ARFGEF3: variants seen among roughly 807,000 people sequenced by gnomAD.
The protein encoded by ARFGEF3 is ARFGEF family member 3.
A neutral mutation model predicts 221.7 loss-of-function variants in ARFGEF3; 96 were observed. The observed-to-expected ratio is 0.43, with a 90% confidence interval of 0.37 to 0.51. The LOEUF (loss-of-function observed/expected upper bound fraction) is 0.51, where lower values mean the gene tolerates loss of function less well. Ranked by LOEUF, ARFGEF3 falls within the 20% of genes least tolerant of loss-of-function variation. ARFGEF3 has a pLI of 0.00. For synonymous variants in ARFGEF3, 1,145 were observed against 1,126.8 expected (o/e 1.02, Z -0.32); for missense variants, 2,410 against 2,789.9 (o/e 0.86, Z 3.07).
intron 14 of ARFGEF3, among the ~76,000 whole-genome samples, chr6:138,281,436 A>G (rs1172195365): frequency 1.3e-5 from 2 of 152,210 alleles, no homozygotes; most frequent in Non-Finnish European, 2.9e-5. Context: ...TGAGTATAGT[A>G]GCCAACAGTT....
rs774890913 is a variant in ARFGEF3, at chr6:138,324,115, C to T, written c.4962C>T (p.Ala1654=). 17 of 1,613,670 alleles carry T rather than the reference C, an allele frequency of 1.1e-5. No homozygotes were observed. In the Admixed American group the frequency reaches 1.7e-4, roughly 16 times the overall value. ...CGGCCCCGTCCTCCTCCCCAAGTGC[C>T]GAGGCCGAGTACTGGCGCATCCGAG... is the stretch of plus-strand genomic sequence containing the variant. The part of the protein sequence containing the change: ...RVAAPSSSPS[A]EAEYWRIRAM... The change falls in exon 31 of 34, where the codon GCC becomes GCT. Residue 1654 remains alanine (A), a synonymous_variant. Coordinates refer to ENST00000251691, the MANE Select transcript of ARFGEF3 (RefSeq NM_020340.5).
At chr6:138,168,189 C>A (rs531447755) in intron 1 of ARFGEF3, among the ~76,000 whole-genome samples, 6 of 152,104 alleles carry the variant, frequency 3.9e-5, no homozygotes, top group Admixed American at 1.3e-4. Flanking sequence ...AGATGACAGC[C>A]AGTAATCAAG....
chr6:138,277,327 C>A (rs1458056643), intron 12 of ARFGEF3, among the ~76,000 whole-genome samples: 1 of 152,116 alleles, frequency 6.6e-6, no homozygotes, highest in African/African-American at 2.4e-5. Context: ...CTGAGTAATA[C>A]CCATTTTATA....
intron 4 of ARFGEF3, among the ~76,000 whole-genome samples, chr6:138,225,237 C>T (rs1301904074): frequency 6.6e-6 from 1 of 152,224 alleles, no homozygotes; most frequent in Non-Finnish European, 1.5e-5. Flanking sequence ...CCTGACCAGC[C>T]CTAATATGTG....
Position 138,334,109 on chromosome 6 carries a change from C to A in ARFGEF3, c.5263C>A (p.Leu1755Met). ...EKTIQVPEAK[L>M]AGFLRYISMQ... ...GACGATACAAGTGCCAGAAGCCAAG[C>A]TGGCTGGCTTCCTCAGATACATCTC... The change falls in exon 33 of 34, where the codon CTG becomes ATG. Residue 1755 changes from leucine to methionine, a missense_variant. By Grantham distance (15) the Leu-to-Met change is conservative. Transcript: ENST00000251691. The surrounding 1 kb of genome is among the most constrained non-coding windows in gnomAD (Gnocchi z 5.1). 6.2e-7 allele frequency: 1 copy of A among 1,613,992 alleles called. No homozygotes were observed. The highest frequency in any genetic ancestry group is 8.5e-7 in the Non-Finnish European group (1 of 1,179,896).
intron 3 of ARFGEF3, among the ~76,000 whole-genome samples, chr6:138,207,678 A>T (rs893616632): frequency 2.0e-5 from 3 of 152,216 alleles, no homozygotes; most frequent in Non-Finnish European, 4.4e-5. Flanking sequence ...AACATAATGG[A>T]TCTAATTCTG....
rs79742146 is a variant in ARFGEF3 at position 138,198,529 on chromosome 6, A to C, written c.138-8513A>C. Among the ~76,000 whole-genome samples the C allele has an allele frequency of 1.7e-4, 26 of 152,340 alleles. No homozygotes were observed. The East Asian group carries it at 4.6e-3, about 27-fold the overall frequency. On this transcript the variant is annotated intron_variant, in intron 2 of 33. Transcript: ENST00000251691. ...AATGAAAATTCATCAATGTTGGTGTAAACTGTTTAAATGTAAAGGACCCAT... is the reference window on the plus strand; with the variant it reads ...AATGAAAATTCATCAATGTTGGTGTCAACTGTTTAAATGTAAAGGACCCAT...
At position 138,341,667 on chromosome 6, in the gene ARFGEF3, A is replaced by G. The variant is rs1780431286; in HGVS notation, c.*5181A>G. On this transcript the variant is annotated 3_prime_UTR_variant, in exon 34 of 34. Transcript: ENST00000251691. The stretch of plus-strand genomic sequence containing the variant: ...CTCATTTAGTAGTGGAGCAATCTAG[A>G]AAACATACCTTTTTTGTTTGTTTGG... 1 of 152,214 alleles carries G rather than the reference A, an allele frequency of 6.6e-6. No individual in the cohort carries two copies. The highest frequency in any genetic ancestry group is 2.4e-5 in the African/African-American group (1 of 41,448). The allele number at this position is 152,214 out of a possible 1,614,324, so 9.4% of individuals were successfully genotyped here.
At position 138,337,819 on chromosome 6, in the gene ARFGEF3, ACTC is replaced by A. The variant is rs1780357839; in HGVS notation, c.*1337_*1339del. On this transcript the variant is annotated 3_prime_UTR_variant, in exon 34 of 34. Coordinates refer to ENST00000251691, the MANE Select transcript of ARFGEF3 (RefSeq NM_020340.5). The stretch of plus-strand genomic sequence containing the variant: ...TCTTACATTATCCTAATGATTGAAA[ACTC>A]CTCAATCAAGCTTACTTACACACAT... 1 of 151,730 alleles carries A rather than the reference ACTC, an allele frequency of 6.6e-6. No homozygotes were observed. Among genetic ancestry groups the A allele is most frequent in the Admixed American group, 6.6e-5 (1 of 15,218 alleles). The allele number at this position is 151,730 out of a possible 1,614,324, so 9.4% of individuals were successfully genotyped here.
intron 5 of ARFGEF3, among the ~76,000 whole-genome samples, chr6:138,232,898 C>G (rs1232709246): frequency 6.6e-6 from 1 of 152,110 alleles, no homozygotes; most frequent in African/African-American, 2.4e-5. Flanking sequence ...TCTAATATTG[C>G]AAACATGTAC....
Position 138,334,086 on chromosome 6 carries a change from CGA to C in ARFGEF3, c.5241_5242del (p.Ile1748ThrfsTer31). The C allele has an allele frequency of 6.2e-7, 1 of 1,613,890 alleles. No homozygotes were observed. Among genetic ancestry groups the C allele is most frequent in the Non-Finnish European group, 8.5e-7 (1 of 1,179,868 alleles). On this transcript the variant is annotated frameshift_variant, in exon 33 of 34. Transcript: ENST00000251691. LOFTEE classifies it high-confidence loss of function. This position sits in a 1 kb window ranked among gnomAD's most constrained non-coding sequence, Gnocchi z 5.1. The stretch of plus-strand genomic sequence containing the variant: ...GGCCCCTCTCCTGGAGAGGAAAAGA[CGA>C]TACAAGTGCCAGAAGCCAAGCTGGC...
chr6:138,211,363 C>A (rs1462221492), intron 4 of ARFGEF3, among the ~76,000 whole-genome samples: 1 of 152,206 alleles, frequency 6.6e-6, no homozygotes, highest in South Asian at 2.1e-4. Flanking sequence ...TTTAGGATCT[C>A]ATTCATCTTT....
chr6:138,238,647 C>A lies in ARFGEF3; in HGVS notation c.543+16C>A, dbSNP rs1269541718. On this transcript the variant is annotated intron_variant, in intron 6 of 33. Coordinates refer to ENST00000251691, the MANE Select transcript of ARFGEF3 (RefSeq NM_020340.5). ...GGAGAATACGGTGAGTCTGTGACAC[C>A]CCCATGTTCATCACCTTCCTGGTGG... is the stretch of plus-strand genomic sequence containing the variant. The A allele has an allele frequency of 6.2e-7, 1 of 1,611,498 alleles. No individual in the cohort carries two copies. Among genetic ancestry groups the A allele is most frequent in the Admixed American group, 1.7e-5 (1 of 59,938 alleles).
At position 138,291,147 on chromosome 6, in the gene ARFGEF3, G is replaced by C. The variant is rs1208343742; in HGVS notation, c.3048-586G>C. Among the ~76,000 whole-genome samples the C allele has an allele frequency of 6.6e-6, 1 of 152,128 alleles. No homozygotes were observed. The highest frequency in any genetic ancestry group is 2.4e-5 in the African/African-American group (1 of 41,436). On this transcript the variant is annotated intron_variant, in intron 18 of 33. Coordinates refer to ENST00000251691, the MANE Select transcript of ARFGEF3 (RefSeq NM_020340.5). The surrounding 1 kb of genome is among the most constrained non-coding windows in gnomAD (Gnocchi z 4.5). ...GGAGTTGGCAGTTGTAGCACATGTG[G>C]TGACCCTTCTCTGTGTCTGCCATAA... is the stretch of plus-strand genomic sequence containing the variant.
chr6:138,261,363 C>A (rs545965295), intron 10 of ARFGEF3, among the ~76,000 whole-genome samples, 164 bp from the exon 11 acceptor site: 1 of 152,336 alleles, frequency 6.6e-6, no homozygotes, highest in South Asian at 2.1e-4. Context: ...AGAAGAAAAC[C>A]TAAATCAGCT....
chr6:138,218,382 A>C, intron 4 of ARFGEF3: 1 of 1,540,564 alleles, frequency 6.5e-7, no homozygotes, highest in Non-Finnish European at 8.8e-7. Context: ...CTGGTTCCTT[A>C]AGAAGGCCCT....
At chr6:138,195,263 C>T (rs1218760696) in intron 2 of ARFGEF3, among the ~76,000 whole-genome samples, 1 of 152,002 alleles carries the variant, frequency 6.6e-6, no homozygotes, top group Non-Finnish European at 1.5e-5. Context: ...CTCGGCCTCC[C>T]AAAGTGCCAG....
chr6:138,210,235 T>C (rs765759246), intron 4 of ARFGEF3, among the ~76,000 whole-genome samples, 194 bp downstream of exon 4: 3 of 152,212 alleles, frequency 2.0e-5, no homozygotes, highest in Non-Finnish European at 4.4e-5. Context: ...ACAATTTCAA[T>C]CAATCCTTGA....
chr6:138,213,105 G>C (rs995367334), intron 4 of ARFGEF3, among the ~76,000 whole-genome samples: 6 of 151,900 alleles, frequency 3.9e-5, no homozygotes, highest in African/African-American at 1.5e-4. Context: ...TGGCTAACAT[G>C]GTGAAACCCC....
Sources: gnomAD v4.1 joint callset for allele counts (sites outside exome capture counted in the v4.1 genomes callset) on GRCh38, gnomAD v4.1.1 for gene constraint, Gnocchi (gnomAD v3.1) non-coding constraint, MANE v1.5 for transcripts, NCBI Gene and HGNC (gene_info 2026-07-23, HGNC 2026-07-21) for gene names.